Variants in THSD7B observed in about 807,000 individuals in gnomAD.
THSD7B encodes thrombospondin type 1 domain containing 7B, also known as thrombospondin type-1 domain-containing protein 7B.
In THSD7B, 138 loss-of-function variants were observed where a neutral mutation model predicts 213.6. That is an observed-to-expected ratio of 0.65 (90% CI 0.56 to 0.74). The LOEUF is 0.74. Among genes scored for constraint, THSD7B ranks in the 30% least tolerant of loss-of-function variants. The pLI, the probability that THSD7B is intolerant of heterozygous loss-of-function variation, is 0.00. For synonymous variants in THSD7B, 742 were observed against 687.0 expected, an observed-to-expected ratio of 1.08 and a Z score of -1.25; for missense variants, 1,931 against 1,991.5, an observed-to-expected ratio of 0.97 and a Z score of 0.58.
At chr2:137,533,445 A>G (rs779984858) in intron 15 of THSD7B, among the ~76,000 whole-genome samples, 5 of 151,852 alleles carry the variant, frequency 3.3e-5, no homozygotes, top group Non-Finnish European at 7.4e-5. Flanking sequence ...CTTCAACTCA[A>G]TACTCTACTT....
intron 17 of THSD7B, among the ~76,000 whole-genome samples, chr2:137,608,082 C>T (rs1682218268): frequency 6.6e-6 from 1 of 152,178 alleles, no homozygotes; most frequent in Admixed American, 6.5e-5. Context: ...TGGCACTTCT[C>T]CTTCCAATTA....
At chr2:137,115,037 C>A in intron 4 of THSD7B, 87 bp from the exon 5 acceptor site, 1 of 1,455,130 alleles carries the variant, frequency 6.9e-7, no homozygotes, top group Non-Finnish European at 9.5e-7. Context: ...AGAGATTATG[C>A]CTCTTGATGT....
At position 137,285,696 on chromosome 2, in the gene THSD7B, C is replaced by T. The variant is rs1171175120; in HGVS notation, c.2500+9670C>T. ...CCTGGTATTTAAAAATGAAAATTCA[C>T]TGGAAACATATATTTGCATGTATTT... On this transcript the variant is annotated intron_variant, in intron 12 of 27. Transcript: ENST00000409968. 4.6e-5 allele frequency among the ~76,000 whole-genome samples: 7 copies of T among 151,686 alleles called. No individual in the cohort carries two copies. In the South Asian group the frequency reaches 6.3e-4, roughly 14 times the overall value.
chr2:137,149,565 C>T (rs1679773095), intron 5 of THSD7B, among the ~76,000 whole-genome samples: 1 of 152,216 alleles, frequency 6.6e-6, no homozygotes, highest in African/African-American at 2.4e-5. Flanking sequence ...GCTGGCTGTA[C>T]CCTGCAAAGT....
chr2:137,343,872 C>T (rs1684814584), intron 12 of THSD7B, among the ~76,000 whole-genome samples: 1 of 151,674 alleles, frequency 6.6e-6, no homozygotes, highest in Admixed American at 6.6e-5. Flanking sequence ...TGCACTGAAG[C>T]CCTTTGTGGA....
At chr2:137,428,825 A>T (rs957172880) in intron 14 of THSD7B, among the ~76,000 whole-genome samples, 6 of 152,194 alleles carry the variant, frequency 3.9e-5, no homozygotes, top group African/African-American at 1.2e-4. Context: ...CATGAGTAGG[A>T]CTTTTAGGGG....
At chr2:137,274,800 C>G (rs1174685185) in intron 11 of THSD7B, among the ~76,000 whole-genome samples, 1 of 151,986 alleles carries the variant, frequency 6.6e-6, no homozygotes, top group African/African-American at 2.4e-5. Flanking sequence ...GAATGTATAT[C>G]TATGCATGTA....
intron 3 of THSD7B, among the ~76,000 whole-genome samples, chr2:137,069,279 C>T (rs1023263577): frequency 2.0e-5 from 3 of 152,020 alleles, no homozygotes; most frequent in Non-Finnish European, 2.9e-5. Context: ...TTGTGAAATG[C>T]AATAGTCTTC....
Position 137,546,417 on chromosome 2 carries a change from A to ATATATTATATATATAATATATATAT in THSD7B, c.3139-16799_3139-16798insTATATATATAATATATATATTATAT, listed in dbSNP as rs1680722805. Among the ~76,000 whole-genome samples the ATATATTATATATATAATATATATAT allele has an allele frequency of 1.0e-4, 3 of 29,848 alleles. 1 individual carries two copies. The highest frequency in any genetic ancestry group is 6.7e-4 in the African/African-American group (3 of 4,454). 19.6% of individuals were successfully genotyped at this position (29,848 alleles called of 152,430 possible). A position where few individuals can be genotyped will look rare whatever the true frequency, so the allele number is the denominator to read the frequency against. ...ATATTATATATATTATATATATATTATATATATTATATATATATTATATAT... is the reference window on the plus strand; with the variant it reads ...ATATTATATATATTATATATATATTATATATTATATATATAATATATATATTATATATTATATATATATTATATAT... On this transcript the variant is annotated intron_variant, in intron 15 of 27. Transcript: ENST00000409968.
intron 17 of THSD7B, among the ~76,000 whole-genome samples, chr2:137,610,002 C>T (rs1573741476): frequency 6.6e-6 from 1 of 152,110 alleles, no homozygotes; most frequent in African/African-American, 2.4e-5. Flanking sequence ...TGACCTGAGC[C>T]TCTAGATTGT....
intron 7 of THSD7B, among the ~76,000 whole-genome samples, chr2:137,173,234 T>C (rs189953770): frequency 1.3e-5 from 2 of 152,194 alleles, no homozygotes; most frequent in Non-Finnish European, 2.9e-5. Flanking sequence ...GAAGAATTGG[T>C]CGAAGAGCAT....
intron 2 of THSD7B, among the ~76,000 whole-genome samples, chr2:137,019,382 T>A (rs1367858862): frequency 3.3e-5 from 5 of 152,240 alleles, no homozygotes; most frequent in Non-Finnish European, 5.9e-5. Flanking sequence ...AGTGATCATC[T>A]GCTTAAAAAT....
intron 15 of THSD7B, among the ~76,000 whole-genome samples, chr2:137,457,547 T>C (rs755729422): frequency 1.3e-5 from 2 of 152,184 alleles, no homozygotes; most frequent in Admixed American, 6.5e-5. Context: ...AGCCCTGAAA[T>C]ATTAGATAGC....
intron 7 of THSD7B, among the ~76,000 whole-genome samples, chr2:137,225,794 G>T (rs1681484648): frequency 6.8e-6 from 1 of 146,528 alleles, no homozygotes; most frequent in Non-Finnish European, 1.6e-5. Context: ...TCCTATATGT[G>T]TAAGCTAAAT....
At chr2:137,482,574 G>A (rs997652122) in intron 15 of THSD7B, among the ~76,000 whole-genome samples, 1 of 152,154 alleles carries the variant, frequency 6.6e-6, no homozygotes, top group Non-Finnish European at 1.5e-5. Flanking sequence ...AAAAATACTT[G>A]CATAGGTATT....
chr2:137,546,487 AT>A (rs1437900005), intron 15 of THSD7B, among the ~76,000 whole-genome samples: 1 of 79,294 alleles, frequency 1.3e-5, no homozygotes, highest in Non-Finnish European at 2.3e-5. Context: ...TAATATATAT[AT>A]ATATATATTA....
chr2:137,471,354 C>G (rs191475284), intron 15 of THSD7B, among the ~76,000 whole-genome samples: 43 of 152,264 alleles, frequency 2.8e-4, no homozygotes, highest in Non-Finnish European at 4.6e-4. Flanking sequence ...AGCCAACAAA[C>G]TGTTATATAA....
chr2:137,312,176 A>G (rs1683931525), intron 12 of THSD7B, among the ~76,000 whole-genome samples: 1 of 152,162 alleles, frequency 6.6e-6, no homozygotes, highest in Non-Finnish European at 1.5e-5. Flanking sequence ...TATTGCCACA[A>G]TTTCAGCTCC....
chr2:137,147,196 T>G (rs1679719903), intron 5 of THSD7B, among the ~76,000 whole-genome samples: 1 of 152,180 alleles, frequency 6.6e-6, no homozygotes, highest in South Asian at 2.1e-4. Flanking sequence ...CAAGTAGGAC[T>G]TGTAATACAT....
Sources: allele counts gnomAD v4.1 joint callset (sites outside exome capture counted in the v4.1 genomes callset), GRCh38; gene constraint gnomAD v4.1.1; transcripts MANE v1.5; gene names NCBI Gene and HGNC (gene_info 2026-07-23, HGNC 2026-07-21).